The following RCL1 variants were observed in gnomAD, a reference collection of about 807,000 sequenced individuals.
RCL1 encodes the protein RNA 3'-terminal phosphate cyclase-like protein.
In RCL1, 24 loss-of-function variants were observed where a neutral mutation model predicts 42.4. That is an observed-to-expected ratio of 0.57 (90% CI 0.41 to 0.80). The LOEUF is 0.80. Ranked by LOEUF, RCL1 falls within the 30% of genes least tolerant of loss-of-function variation. The pLI, the probability that RCL1 is intolerant of heterozygous loss-of-function variation, is 0.00. For missense variants in RCL1, 578 were observed against 467.9 expected (o/e 1.24, Z -2.17); for synonymous variants, 228 against 177.3 (o/e 1.29, Z -2.27).
At chr9:4,849,994 A>G (rs113598103) in intron 8 of RCL1, among the ~76,000 whole-genome samples, 1 of 152,214 alleles carries the variant, frequency 6.6e-6, no homozygotes, top group African/African-American at 2.4e-5. Context: ...TATTAATGCT[A>G]CTGGACTAGT....
At chr9:4,794,704 C>A (rs1395244126) in intron 1 of RCL1, among the ~76,000 whole-genome samples, 1 of 150,792 alleles carries the variant, frequency 6.6e-6, no homozygotes, top group Non-Finnish European at 1.5e-5. Context: ...TAAAATGAAT[C>A]TAGTTCTATT....
At chr9:4,839,465 C>A (rs1817241183) in intron 5 of RCL1, 1 of 154,306 alleles carries the variant, frequency 6.5e-6, no homozygotes, top group Non-Finnish European at 1.4e-5. Flanking sequence ...GAGCCGTGAG[C>A]TCTGTGGGAT....
At position 4,858,941 on chromosome 9, in the gene RCL1, C is replaced by A. The variant is rs142674663; in HGVS notation, c.972-1184C>A. On this transcript the variant is annotated intron_variant, in intron 8 of 8. Coordinates refer to ENST00000381750, the MANE Select transcript of RCL1 (RefSeq NM_005772.5). ...AACATAGATTTCTGGCCTCTATGAA[C>A]TGGGGAGTACAGGGCCTGGTGGAGG... is the stretch of plus-strand genomic sequence containing the variant. 3.3e-5 allele frequency among the ~76,000 whole-genome samples: 5 copies of A among 152,318 alleles called. No individual in the cohort carries two copies. The East Asian group carries it at 5.8e-4, about 18-fold the overall frequency.
chr9:4,859,852 C>G (rs1818101081), intron 8 of RCL1, among the ~76,000 whole-genome samples: 1 of 152,198 alleles, frequency 6.6e-6, no homozygotes, highest in African/African-American at 2.4e-5. Flanking sequence ...TAGGTCTGAA[C>G]TAAATAACTT....
chr9:4,858,226 AGTT>A (rs1283020238), intron 8 of RCL1, among the ~76,000 whole-genome samples: 1 of 151,934 alleles, frequency 6.6e-6, no homozygotes, highest in Non-Finnish European at 1.5e-5. Context: ...GAGTTGTAAG[AGTT>A]GTTTATATAG....
At chr9:4,859,871 C>T (rs578027043) in intron 8 of RCL1, among the ~76,000 whole-genome samples, 9 of 152,158 alleles carry the variant, frequency 5.9e-5, no homozygotes, top group African/African-American at 9.7e-5. Flanking sequence ...TTATGTGTCA[C>T]GTACGAACTT....
rs1195171041 is a variant in RCL1 at position 4,794,056 on chromosome 9, T to C, written c.136+829T>C. ...CATGAGATACATGCATTTAAAAGCT[T>C]CTGACTGGTGGTTATCCCAAGTTGG... On this transcript the variant is annotated intron_variant, in intron 1 of 8. Coordinates refer to ENST00000381750, the MANE Select transcript of RCL1 (RefSeq NM_005772.5). 5.3e-5 allele frequency among the ~76,000 whole-genome samples: 8 copies of C among 152,332 alleles called. No individual in the cohort carries two copies. The East Asian group carries it at 1.5e-3, about 29-fold the overall frequency.
chr9:4,796,455 G>T lies in RCL1; in HGVS notation c.136+3228G>T, dbSNP rs368894118. On this transcript the variant is annotated intron_variant, in intron 1 of 8. Transcript: ENST00000381750. ...GTCTCACTCTGTCATGAGTGCAGTG[G>T]TGTGATCATGGCTCACTGTAGCCTC... is the stretch of plus-strand genomic sequence containing the variant. 3.9e-5 allele frequency among the ~76,000 whole-genome samples: 6 copies of T among 152,294 alleles called. No homozygotes were observed. In the East Asian group the frequency reaches 1.2e-3, roughly 29 times the overall value.
At chr9:4,853,232 G>A (rs1817814696) in intron 8 of RCL1, among the ~76,000 whole-genome samples, 1 of 152,228 alleles carries the variant, frequency 6.6e-6, no homozygotes, top group African/African-American at 2.4e-5. Context: ...GCACAGCGAG[G>A]TCAAGTTACG....
rs1172649507 is a variant in RCL1, at chr9:4,823,618, A to G, written c.207A>G (p.Thr69=). 1.2e-6 allele frequency: 2 copies of G among 1,607,358 alleles called. No individual in the cohort carries two copies. The highest frequency in any genetic ancestry group is 1.3e-5 in the African/African-American group (1 of 74,408). Residue 69 remains threonine, a splice_region_variant and synonymous_variant, in exon 2 of 9, where the codon ACA becomes ACG. Transcript: ENST00000381750. ...TNGSRIEINQ[T]GTTLYYQPGL... Reference sequence around the variant, plus strand: ...GTTCTCGAATTGAAATAAACCAAACAGGTAAGCTCCTTTTAGATTCCTAAA... The same window carrying G: ...GTTCTCGAATTGAAATAAACCAAACGGGTAAGCTCCTTTTAGATTCCTAAA...
At chr9:4,830,117 C>G (rs1338073394) in intron 3 of RCL1, among the ~76,000 whole-genome samples, 1 of 152,166 alleles carries the variant, frequency 6.6e-6, no homozygotes, top group Non-Finnish European at 1.5e-5. Context: ...CAGGGATAAT[C>G]CACAGAATCA....
chr9:4,844,555 T>C lies in RCL1; in HGVS notation c.741T>C (p.Ala247=), dbSNP rs941509605. 1 of 1,613,314 alleles carries C rather than the reference T, an allele frequency of 6.2e-7. No individual in the cohort carries two copies. The highest frequency in any genetic ancestry group is 8.5e-7 in the Non-Finnish European group (1 of 1,179,532). The change falls in exon 7 of 9, where the codon GCT becomes GCC. Residue 247 remains alanine, a synonymous_variant. Coordinates refer to ENST00000381750, the MANE Select transcript of RCL1 (RefSeq NM_005772.5). ...CGGGCTTTGGGTTGTCACTGGTTGCTGAGACCACCAGTGGCACCTTCCTCA... is the reference window on the plus strand; with the variant it reads ...CGGGCTTTGGGTTGTCACTGGTTGCCGAGACCACCAGTGGCACCTTCCTCA... ...KSPGFGLSLV[A]ETTSGTFLSA...
chr9:4,815,749 CCTT>C (rs1407235586), intron 1 of RCL1, among the ~76,000 whole-genome samples: 1 of 152,064 alleles, frequency 6.6e-6, no homozygotes, highest in African/African-American at 2.4e-5. Flanking sequence ...GGTGTTGACT[CCTT>C]CTCTGTGGGG....
intron 1 of RCL1, among the ~76,000 whole-genome samples, chr9:4,814,608 C>A (rs1022434685): frequency 1.3e-5 from 2 of 152,098 alleles, no homozygotes; most frequent in African/African-American, 4.8e-5. Flanking sequence ...ATTCGTGTCT[C>A]CTTTTTTTCT....
chr9:4,854,106 A>C (rs562495557), intron 8 of RCL1, among the ~76,000 whole-genome samples: 2 of 152,252 alleles, frequency 1.3e-5, no homozygotes, highest in South Asian at 4.1e-4. Flanking sequence ...CTAGAACATA[A>C]TTGGTGTATG....
intron 1 of RCL1, among the ~76,000 whole-genome samples, chr9:4,807,120 T>C (rs1006496145): frequency 1.3e-5 from 2 of 152,320 alleles, no homozygotes; most frequent in Admixed American, 6.5e-5. Context: ...TAATTGTGTT[T>C]GTCTGTGGGG....
In RCL1 at chr9:4,828,535, TTTAA is replaced by T. The variant is rs1816842759; in HGVS notation, c.384+1507_384+1510del. On this transcript the variant is annotated intron_variant, in intron 3 of 8. Coordinates refer to ENST00000381750, the MANE Select transcript of RCL1 (RefSeq NM_005772.5). Reference sequence around the variant, plus strand: ...AATGTTGCGTAAACTGTTGAGAATATTTAATTAAGTGTTTTTTTTTTTTTGCATT... The same window carrying T: ...AATGTTGCGTAAACTGTTGAGAATATTTAAGTGTTTTTTTTTTTTTGCATT... 3.0e-5 allele frequency among the ~76,000 whole-genome samples: 4 copies of T among 134,328 alleles called. No individual in the cohort carries two copies. In the South Asian group the frequency reaches 1.0e-3, roughly 34 times the overall value. The allele number at this position is 134,328 out of a possible 152,430, so 88.1% of individuals were successfully genotyped here. A position where few individuals can be genotyped will look rare whatever the true frequency, so the allele number is the denominator to read the frequency against.
In RCL1 at chr9:4,793,197, C is replaced by A; in HGVS notation, c.106C>A (p.Arg36=). The A allele has an allele frequency of 5.0e-6, 8 of 1,607,842 alleles. No homozygotes were observed. The highest frequency in any genetic ancestry group is 6.8e-6 in the Non-Finnish European group (8 of 1,177,162). Reference sequence around the variant, plus strand: ...GCGCCCCGTCAAAATCCGAAAGATTCGGGCCAGAGACGACAACCCGGGCCT... The same window carrying A: ...GCGCCCCGTCAAAATCCGAAAGATTAGGGCCAGAGACGACAACCCGGGCCT... ...SGRPVKIRKI[R]ARDDNPGLRD... The change falls in exon 1 of 9, where the codon CGG becomes AGG. Residue 36 remains arginine (R), a synonymous_variant. Transcript: ENST00000381750.
intron 5 of RCL1, 33 bp downstream of exon 5, chr9:4,834,298 T>TG: frequency 6.3e-7 from 1 of 1,591,286 alleles, no homozygotes; most frequent in South Asian, 1.1e-5. Context: ...TTTCTTTTTT[T>TG]TTTGTTGTTG....
Sources: allele counts gnomAD v4.1 joint callset (sites outside exome capture counted in the v4.1 genomes callset), GRCh38; gene constraint gnomAD v4.1.1; transcripts MANE v1.5; gene names NCBI Gene and HGNC (gene_info 2026-07-23, HGNC 2026-07-21).